The following PLCXD3 variants were observed in gnomAD, a reference collection of about 807,000 sequenced individuals.
PLCXD3 encodes PI-PLC X domain-containing protein 3.
Under a neutral mutation model 25.5 loss-of-function variants are expected in PLCXD3, and 19 were observed. That is an observed-to-expected ratio of 0.75 (90% CI 0.52 to 1.09). PLCXD3 has a LOEUF of 1.09. Among genes scored for constraint, PLCXD3 ranks in the 50% least tolerant of loss-of-function variants. The pLI, the probability that PLCXD3 is intolerant of heterozygous loss-of-function variation, is 0.00. For synonymous variants in PLCXD3, 174 were observed against 137.6 expected (o/e 1.26, Z -1.85); for missense variants, 411 against 388.1 (o/e 1.06, Z -0.50).
At chr5:41,407,202 T>C (rs1746378216) in intron 1 of PLCXD3, among the ~76,000 whole-genome samples, 1 of 152,216 alleles carries the variant, frequency 6.6e-6, no homozygotes, top group South Asian at 2.1e-4. Flanking sequence ...TACATGGTCC[T>C]CTATGTAACT....
At chr5:41,428,373 A>AG (rs1747012121) in intron 1 of PLCXD3, among the ~76,000 whole-genome samples, 1 of 106,840 alleles carries the variant, frequency 9.4e-6, no homozygotes, top group African/African-American at 3.5e-5. Context: ...AGTTAAAATG[A>AG]GTTTTTTTGT....
At chr5:41,499,165 A>G (rs1035717306) in intron 1 of PLCXD3, among the ~76,000 whole-genome samples, 1 of 151,546 alleles carries the variant, frequency 6.6e-6, no homozygotes, top group Non-Finnish European at 1.5e-5. Context: ...TAGGTTAGAA[A>G]AAACAAAAAA....
intron 1 of PLCXD3, among the ~76,000 whole-genome samples, chr5:41,441,162 G>T (rs917051167): frequency 1.3e-5 from 2 of 152,042 alleles, no homozygotes; most frequent in African/African-American, 4.8e-5. Context: ...TACCTGAAAA[G>T]ACAGCAACCT....
chr5:41,328,058 TA>T (rs927563229), intron 2 of PLCXD3, among the ~76,000 whole-genome samples: 126 of 150,848 alleles, frequency 8.4e-4, no homozygotes, highest in South Asian at 3.8e-3. Context: ...TAAATGAAAT[TA>T]AAAAAAAAAT....
intron 2 of PLCXD3, among the ~76,000 whole-genome samples, chr5:41,370,588 T>A (rs756035720): frequency 2.6e-4 from 40 of 152,146 alleles, no homozygotes; most frequent in Non-Finnish European, 5.0e-4. Flanking sequence ...GGGGAGAGGA[T>A]TTGGCTTATA....
chr5:41,488,276 G>A (rs1427022788), intron 1 of PLCXD3, among the ~76,000 whole-genome samples: 1 of 138,190 alleles, frequency 7.2e-6, no homozygotes. Flanking sequence ...TTTTATGGCT[G>A]CATAGTATTC....
intron 1 of PLCXD3, among the ~76,000 whole-genome samples, chr5:41,495,444 A>T (rs1252477890): frequency 6.6e-6 from 1 of 152,230 alleles, no homozygotes; most frequent in Admixed American, 6.5e-5. Flanking sequence ...TAAAGTATGC[A>T]TCCAATTTCT....
intron 1 of PLCXD3, among the ~76,000 whole-genome samples, chr5:41,404,504 A>G (rs983293229): frequency 6.6e-6 from 1 of 152,162 alleles, no homozygotes; most frequent in Non-Finnish European, 1.5e-5. Flanking sequence ...TGCAGAATTT[A>G]GGTTTGTAAA....
At chr5:41,483,232 A>T (rs1266382512) in intron 1 of PLCXD3, among the ~76,000 whole-genome samples, 1 of 152,232 alleles carries the variant, frequency 6.6e-6, no homozygotes, top group Non-Finnish European at 1.5e-5. Context: ...CAAAGGAAGC[A>T]CAAAGTTTAC....
In PLCXD3 at chr5:41,313,631, C is replaced by T. The variant is rs1262014399; in HGVS notation, c.952G>A (p.Glu318Lys). 1.2e-6 allele frequency: 2 copies of T among 1,613,702 alleles called. No individual in the cohort carries two copies. The highest frequency in any genetic ancestry group is 1.3e-5 in the African/African-American group (1 of 74,892). The stretch of plus-strand genomic sequence containing the variant: ...AAGTAGTGCTATCAAGTGTTGGCTT[C>T]TCCTTCATCAAAGACATAGTTGAGC... ...IKLNYVFDEG[E>K]ANT Residue 318 changes from glutamate (E) to lysine (K), a missense_variant, in exon 3 of 3, where the codon GAA (glutamate) becomes AAA (lysine). By Grantham distance (56) the Glu-to-Lys change is moderately conservative. Transcript: ENST00000377801.
chr5:41,500,170 G>A (rs1038839154), intron 1 of PLCXD3, among the ~76,000 whole-genome samples: 2 of 151,824 alleles, frequency 1.3e-5, no homozygotes, highest in African/African-American at 2.4e-5. Flanking sequence ...ATCAAACTTA[G>A]TGCCCAACAA....
In PLCXD3 at chr5:41,382,323, G is replaced by A; in HGVS notation, c.315C>T (p.Asp105=). The stretch of plus-strand genomic sequence containing the variant: ...GAGCAAAATAGAGTTCATTGTCGGG[G>A]TCTCTGGGCTTGGTGGAAATTCGAA... ...FDLRISTKPR[D]PDNELYFAHG... is the part of the protein sequence containing the mutation. Residue 105 remains aspartate (D), a synonymous_variant, in exon 2 of 3, where the codon GAC becomes GAT. Coordinates refer to ENST00000377801, the MANE Select transcript of PLCXD3 (RefSeq NM_001005473.3). 1 of 1,613,516 alleles carries A rather than the reference G, an allele frequency of 6.2e-7. No individual in the cohort carries two copies. Among genetic ancestry groups the A allele is most frequent in the Non-Finnish European group, 8.5e-7 (1 of 1,179,718 alleles).
intron 1 of PLCXD3, among the ~76,000 whole-genome samples, chr5:41,480,905 A>G (rs1044653590): frequency 6.6e-6 from 1 of 152,054 alleles, no homozygotes; most frequent in Non-Finnish European, 1.5e-5. Flanking sequence ...GCAAGACTCC[A>G]TCTCAAAATA....
At chr5:41,391,282 A>G (rs1745806990) in intron 1 of PLCXD3, among the ~76,000 whole-genome samples, 1 of 152,172 alleles carries the variant, frequency 6.6e-6, no homozygotes, top group African/African-American at 2.4e-5. Flanking sequence ...CAGGCTGCAC[A>G]GCTTGAGGCT....
In PLCXD3 at chr5:41,382,160, G is replaced by A; in HGVS notation, c.478C>T (p.Gln160Ter). 3 of 1,613,718 alleles carry A rather than the reference G, an allele frequency of 1.9e-6. No individual in the cohort carries two copies. The highest frequency in any genetic ancestry group is 1.7e-4 in the Middle Eastern group (1 of 6,054). Residue 160 changes from glutamine to a stop codon, truncating the protein, a stop_gained, in exon 2 of 3, where the codon CAA becomes TAA. Coordinates refer to ENST00000377801, the MANE Select transcript of PLCXD3 (RefSeq NM_001005473.3). LOFTEE classifies it high-confidence loss of function. ...MQKYHHEKLV[Q>*]MLKDIYGNKM... ...TTTCCATAGATGTCTTTCAGCATTT[G>A]GACCAGTTTTTCATGGTGATATTTC...
At chr5:41,461,802 T>C (rs1447428766) in intron 1 of PLCXD3, among the ~76,000 whole-genome samples, 3 of 151,954 alleles carry the variant, frequency 2.0e-5, no homozygotes, top group Non-Finnish European at 2.9e-5. Flanking sequence ...AGACTCTGCG[T>C]TGACACCTCA....
chr5:41,334,346 A>G lies in PLCXD3; in HGVS notation c.813-20576T>C, dbSNP rs1023493321. On this transcript the variant is annotated intron_variant, in intron 2 of 2. Coordinates refer to ENST00000377801, the MANE Select transcript of PLCXD3 (RefSeq NM_001005473.3). ...ACAATATCTTTGATACTATTACTCA[A>G]ATGTACTCCAGGGTCATTCAAAACT... 3.9e-5 allele frequency among the ~76,000 whole-genome samples: 6 copies of G among 152,130 alleles called. No homozygotes were observed. The East Asian group carries it at 1.2e-3, about 29-fold the overall frequency.
rs1263977921 is a variant in PLCXD3 at position 41,308,639 on chromosome 5, C to T, written c.*4978G>A. 2 of 152,038 alleles carry T rather than the reference C, an allele frequency of 1.3e-5. No homozygotes were observed. Among genetic ancestry groups the T allele is most frequent in the Non-Finnish European group, 2.9e-5 (2 of 68,000 alleles). The allele number at this position is 152,038 out of a possible 1,614,324, so 9.4% of individuals were successfully genotyped here. A position where few individuals can be genotyped will look rare whatever the true frequency, so the allele number is the denominator to read the frequency against. On this transcript the variant is annotated 3_prime_UTR_variant, in exon 3 of 3. Coordinates refer to ENST00000377801, the MANE Select transcript of PLCXD3 (RefSeq NM_001005473.3). ...GAGAAGAGAACCATGTTGGAACCAC[C>T]TAGTATGGATGGGCCTTTAAAAGCT... is the stretch of plus-strand genomic sequence containing the variant.
chr5:41,480,280 C>CA (rs1434177907), intron 1 of PLCXD3, among the ~76,000 whole-genome samples: 1 of 152,138 alleles, frequency 6.6e-6, no homozygotes, highest in Admixed American at 6.5e-5. Flanking sequence ...CAATGAGTCA[C>CA]CCATTGAGAG....
Sources: gnomAD v4.1 joint callset for allele counts (sites outside exome capture counted in the v4.1 genomes callset) on GRCh38, gnomAD v4.1.1 for gene constraint, MANE v1.5 for transcripts, NCBI Gene and HGNC (gene_info 2026-07-23, HGNC 2026-07-21) for gene names.